Variants in CFAP44 observed in about 807,000 individuals in gnomAD.
CFAP44 encodes the protein cilia- and flagella-associated protein 44.
In CFAP44, 134 loss-of-function variants were observed where a neutral mutation model predicts 216.2. That is an observed-to-expected ratio of 0.62 (90% CI 0.54 to 0.72). The LOEUF (loss-of-function observed/expected upper bound fraction) is 0.72. CFAP44 is among the 30% of genes least tolerant of loss of function. CFAP44 has a pLI of 0.00. For synonymous variants in CFAP44, 700 were observed against 727.6 expected (o/e 0.96, Z 0.61); for missense variants, 2,035 against 2,182.1 (o/e 0.93, Z 1.34).
At chr3:113,431,325 T>A (rs1334088713) in intron 2 of CFAP44, among the ~76,000 whole-genome samples, 1 of 152,112 alleles carries the variant, frequency 6.6e-6, no homozygotes, top group Non-Finnish European at 1.5e-5. Flanking sequence ...CAGGTCACAC[T>A]TGAAAAGGTC....
At chr3:113,405,292 G>A (rs2107366167) in intron 8 of CFAP44, among the ~76,000 whole-genome samples, 1 of 152,240 alleles carries the variant, frequency 6.6e-6, no homozygotes, top group East Asian at 1.9e-4. Context: ...CTTCTGTCCA[G>A]TGATGAAAGC....
At chr3:113,345,043 A>G (rs1360853805) in intron 22 of CFAP44, among the ~76,000 whole-genome samples, 1 of 149,196 alleles carries the variant, frequency 6.7e-6, no homozygotes, top group African/African-American at 2.4e-5. Context: ...CTGAGGAAAT[A>G]GAATCCATCT....
intron 32 of CFAP44, among the ~76,000 whole-genome samples, chr3:113,299,866 A>C (rs1213121361): frequency 6.6e-6 from 1 of 152,144 alleles, no homozygotes; most frequent in Non-Finnish European, 1.5e-5. Context: ...CGTCTCTACA[A>C]AAACAAGCAA....
At chr3:113,440,231 T>C (rs764516737) in intron 1 of CFAP44, among the ~76,000 whole-genome samples, 1 of 152,256 alleles carries the variant, frequency 6.6e-6, no homozygotes, top group African/African-American at 2.4e-5. Context: ...GCCCGGCTAA[T>C]TTTTGTATTT....
At position 113,396,653 on chromosome 3, in the gene CFAP44, T is replaced by C. The variant is rs939910287; in HGVS notation, c.1644A>G (p.Pro548=). 8.7e-6 allele frequency: 14 copies of C among 1,613,994 alleles called. No individual in the cohort carries two copies. The African/African-American group carries it at 1.2e-4, about 14-fold the overall frequency. Residue 548 remains proline (P), a synonymous_variant, in exon 14 of 35, where the codon CCA becomes CCG. Transcript: ENST00000393845. ...GVVRILELYD[P]KGLTIFAGRK... is the part of the protein sequence containing the mutation. Reference sequence around the variant, plus strand: ...GTCCCGCAAAAATCGTGAGCCCTTTTGGATCATAAAGTTCAAGAATTCGAA... The same window carrying C: ...GTCCCGCAAAAATCGTGAGCCCTTTCGGATCATAAAGTTCAAGAATTCGAA...
At chr3:113,326,243 G>A (rs1265993721) in intron 28 of CFAP44, among the ~76,000 whole-genome samples, 1 of 152,178 alleles carries the variant, frequency 6.6e-6, no homozygotes, top group African/African-American at 2.4e-5. Context: ...GTGCACACAT[G>A]TGCAAACAAA....
intron 29 of CFAP44, among the ~76,000 whole-genome samples, chr3:113,307,750 A>C (rs984932199): frequency 6.6e-6 from 1 of 152,208 alleles, no homozygotes; most frequent in Non-Finnish European, 1.5e-5. Context: ...CAGGTGGATC[A>C]TGAGGTCAGG....
intron 17 of CFAP44, among the ~76,000 whole-genome samples, chr3:113,376,245 G>A (rs1275766102): frequency 1.3e-5 from 2 of 152,224 alleles, no homozygotes; most frequent in Non-Finnish European, 2.9e-5. Flanking sequence ...CTGAGATGGA[G>A]ATGGAGCAGG....
chr3:113,341,035 G>T (rs1200216769), intron 24 of CFAP44, among the ~76,000 whole-genome samples: 1 of 152,208 alleles, frequency 6.6e-6, no homozygotes, highest in Non-Finnish European at 1.5e-5. Flanking sequence ...GTTGATGCCT[G>T]TCAGCGTGCT....
rs1234905035 is a variant in CFAP44, at chr3:113,326,539, G to A, written c.4422C>T (p.Ala1474=). ...EKALYAGFQA[A]IGENNKFANF... Reference sequence around the variant, plus strand: ...TTGCAAATTTATTGTTTTCTCCAATGGCTGCTTGAAAACCAGCATAGAGTG... The same window carrying A: ...TTGCAAATTTATTGTTTTCTCCAATAGCTGCTTGAAAACCAGCATAGAGTG... The change falls in exon 28 of 35, where the codon GCC becomes GCT. Residue 1474 remains alanine, a synonymous_variant. Transcript: ENST00000393845. 1 of 1,531,276 alleles carries A rather than the reference G, an allele frequency of 6.5e-7. No homozygotes were observed. The highest frequency in any genetic ancestry group is 2.0e-5 in the Admixed American group (1 of 50,144). The allele number at this position is 1,531,276 out of a possible 1,614,324, so 94.9% of individuals were successfully genotyped here. A position where few individuals can be genotyped will look rare whatever the true frequency, so the allele number is the denominator to read the frequency against.
intron 28 of CFAP44, among the ~76,000 whole-genome samples, chr3:113,308,826 G>C (rs1950011687): frequency 1.3e-5 from 2 of 152,030 alleles, no homozygotes; most frequent in Admixed American, 1.3e-4. Context: ...GGCCGATCTT[G>C]AACTCCTGGG....
At chr3:113,378,031 T>G (rs1933399846) in intron 17 of CFAP44, among the ~76,000 whole-genome samples, 1 of 152,114 alleles carries the variant, frequency 6.6e-6, no homozygotes, top group African/African-American at 2.4e-5. Context: ...TGCGTGGAGT[T>G]TTCTGTTTGT....
intron 32 of CFAP44, among the ~76,000 whole-genome samples, chr3:113,298,969 G>T (rs994600394): frequency 1.2e-4 from 19 of 152,086 alleles, no homozygotes; most frequent in African/African-American, 4.6e-4. Flanking sequence ...ACTTACAAAT[G>T]GTTAAAATCA....
Position 113,396,391 on chromosome 3 carries a change from A to C in CFAP44, c.1779+127T>G, listed in dbSNP as rs1022678344. 44 of 1,090,428 alleles carry C rather than the reference A, an allele frequency of 4.0e-5. No homozygotes were observed. The African/African-American group carries it at 6.0e-4, about 15-fold the overall frequency. 67.5% of individuals were successfully genotyped at this position (1,090,428 alleles called of 1,614,324 possible). Reference sequence around the variant, plus strand: ...ACGCTGAAAGAATATGACTACAAAGAAAGCAAAATGTGAATATATTGATAG... The same window carrying C: ...ACGCTGAAAGAATATGACTACAAAGCAAGCAAAATGTGAATATATTGATAG... On this transcript the variant is annotated intron_variant, in intron 14 of 34. Transcript: ENST00000393845.
rs1328650509 is a variant in CFAP44, at chr3:113,395,775, T to A, written c.1865A>T (p.Gln622Leu). Reference protein sequence around the residue: ...GYINTPGPVCQLMWSPMSHPE... With the variant: ...GYINTPGPVCLLMWSPMSHPE... ...ATGAGACATGGGAGACCACATTAAC[T>A]GACACACAGGTCCAGGAGTATTAAT... The change falls in exon 15 of 35, where the codon CAG (glutamine) becomes CTG (leucine). Residue 622 changes from glutamine (Q) to leucine (L), a missense_variant. Transcript: ENST00000393845. 6.2e-7 allele frequency: 1 copy of A among 1,612,908 alleles called. No individual in the cohort carries two copies. Among genetic ancestry groups the A allele is most frequent in the African/African-American group, 1.3e-5 (1 of 74,896 alleles).
rs956107509 is a variant in CFAP44 at position 113,290,011 on chromosome 3, T to C, written c.*1546A>G. ...AACACCCGGCCAAGCTGTCCCCAGA[T>C]TCCTGGACCTCAGAAACCCTCTCAC... On this transcript the variant is annotated 3_prime_UTR_variant, in exon 35 of 35. Transcript: ENST00000393845. The C allele has an allele frequency of 6.6e-6, 1 of 152,248 alleles. No homozygotes were observed. Among genetic ancestry groups the C allele is most frequent in the African/African-American group, 2.4e-5 (1 of 41,460 alleles). 9.4% of individuals were successfully genotyped at this position (152,248 alleles called of 1,614,324 possible). A position where few individuals can be genotyped will look rare whatever the true frequency, so the allele number is the denominator to read the frequency against.
chr3:113,376,852 A>T (rs900861693), intron 17 of CFAP44, among the ~76,000 whole-genome samples: 1 of 152,182 alleles, frequency 6.6e-6, no homozygotes, highest in Non-Finnish European at 1.5e-5. Context: ...TATGCTCATG[A>T]TAATAACTGA....
At position 113,289,734 on chromosome 3, in the gene CFAP44, G is replaced by T. The variant is rs1949810544; in HGVS notation, c.*1823C>A. 6.6e-6 allele frequency: 1 copy of T among 152,170 alleles called. No homozygotes were observed. Among genetic ancestry groups the T allele is most frequent in the South Asian group, 2.1e-4 (1 of 4,832 alleles). 9.4% of individuals were successfully genotyped at this position (152,170 alleles called of 1,614,324 possible). On this transcript the variant is annotated 3_prime_UTR_variant, in exon 35 of 35. Transcript: ENST00000393845. ...TGACGCTATGTCACTTCTGAGCTTG[G>T]GCTGTAAAAGACTGTGGCTCTTGTA...
At chr3:113,349,239 T>C (rs1196221641) in intron 22 of CFAP44, among the ~76,000 whole-genome samples, 1 of 152,180 alleles carries the variant, frequency 6.6e-6, no homozygotes, top group African/African-American at 2.4e-5. Flanking sequence ...TATACTCCCC[T>C]GTCAGCCGAC....
Sources: gnomAD v4.1 joint callset for allele counts (sites outside exome capture counted in the v4.1 genomes callset) on GRCh38, gnomAD v4.1.1 for gene constraint, MANE v1.5 for transcripts, NCBI Gene and HGNC (gene_info 2026-07-23, HGNC 2026-07-21) for gene names.